Variants in ATP6V1H observed in about 807,000 individuals in gnomAD.
ATP6V1H encodes ATPase H+ transporting V1 subunit H, also known as V-type proton ATPase subunit H.
A neutral mutation model predicts 71.7 loss-of-function variants in ATP6V1H; 39 were observed. The ratio of observed to expected loss-of-function variants is 0.54; its 90% confidence interval spans 0.42 to 0.71. The LOEUF is 0.71. Ranked by LOEUF, ATP6V1H falls within the 30% of genes least tolerant of loss-of-function variation. The pLI, the probability that ATP6V1H is intolerant of heterozygous loss-of-function variation, is 0.00. For missense variants in ATP6V1H, 509 were observed against 594.9 expected, an observed-to-expected ratio of 0.86 and a Z score of 1.50; for synonymous variants, 192 against 199.3, an observed-to-expected ratio of 0.96 and a Z score of 0.31.
intron 9 of ATP6V1H, among the ~76,000 whole-genome samples, chr8:53,779,599 C>T (rs986666761): frequency 6.6e-6 from 1 of 151,398 alleles, no homozygotes; most frequent in Non-Finnish European, 1.5e-5. Flanking sequence ...TTTCAGAACA[C>T]CTGTTATTTC....
intron 9 of ATP6V1H, among the ~76,000 whole-genome samples, chr8:53,777,061 G>C (rs1380215338): frequency 1.3e-5 from 2 of 152,086 alleles, no homozygotes; most frequent in African/African-American, 2.4e-5. Context: ...GTGAACAAAG[G>C]CTCAGTGACT....
chr8:53,737,398 A>G (rs892574145), intron 13 of ATP6V1H, among the ~76,000 whole-genome samples: 1 of 152,252 alleles, frequency 6.6e-6, no homozygotes, highest in Non-Finnish European at 1.5e-5. Context: ...CTGGATACAA[A>G]TGGAACAGCA....
At chr8:53,788,773 G>A (rs1230312970) in intron 9 of ATP6V1H, among the ~76,000 whole-genome samples, 1 of 152,118 alleles carries the variant, frequency 6.6e-6, no homozygotes, top group African/African-American at 2.4e-5. Context: ...CTTCTACTGC[G>A]CCATTATGAA....
At chr8:53,767,756 A>G (rs1808520526) in intron 11 of ATP6V1H, among the ~76,000 whole-genome samples, 3 of 152,234 alleles carry the variant, frequency 2.0e-5, no homozygotes, top group Admixed American at 2.0e-4. Flanking sequence ...GGACAACAGG[A>G]TAGCCACATG....
chr8:53,812,345 C>T (rs999458172), intron 6 of ATP6V1H, among the ~76,000 whole-genome samples: 3 of 152,178 alleles, frequency 2.0e-5, no homozygotes, highest in African/African-American at 7.2e-5. Context: ...TAAAAAGATG[C>T]AGAAAATACT....
chr8:53,749,931 C>G (rs1807735747), intron 12 of ATP6V1H, among the ~76,000 whole-genome samples: 1 of 152,132 alleles, frequency 6.6e-6, no homozygotes, highest in African/African-American at 2.4e-5. Flanking sequence ...GGTGTGATTT[C>G]TGGACTTCTA....
intron 13 of ATP6V1H, among the ~76,000 whole-genome samples, chr8:53,742,439 G>C (rs1040772397): frequency 6.6e-6 from 1 of 152,112 alleles, no homozygotes; most frequent in Admixed American, 6.5e-5. Flanking sequence ...TCCAGTAATA[G>C]AGCTGTATGG....
intron 13 of ATP6V1H, among the ~76,000 whole-genome samples, chr8:53,722,278 T>G (rs1806649039): frequency 6.6e-6 from 1 of 152,220 alleles, no homozygotes; most frequent in Admixed American, 6.5e-5. Context: ...GGCAACGCAC[T>G]GAGCCACTCA....
At chr8:53,840,615 G>A (rs1811315429) in intron 2 of ATP6V1H, among the ~76,000 whole-genome samples, 1 of 152,098 alleles carries the variant, frequency 6.6e-6, no homozygotes, top group Non-Finnish European at 1.5e-5. Flanking sequence ...CTCAAAGCCT[G>A]GAAAAATGCC....
In ATP6V1H at chr8:53,841,733, T is replaced by G. The variant is rs1811349886; in HGVS notation, c.-35-8A>C. ...GAATGTCTTTCAACAAATCTTCAAT[T>G]TTGATGCAAGGTAAAAACAGAATAC... On this transcript the variant is annotated splice_polypyrimidine_tract_variant and splice_region_variant and intron_variant, in intron 1 of 13. Coordinates refer to ENST00000359530, the MANE Select transcript of ATP6V1H (RefSeq NM_015941.4). 1 of 1,604,520 alleles carries G rather than the reference T, an allele frequency of 6.2e-7. No homozygotes were observed. The highest frequency in any genetic ancestry group is 8.5e-7 in the Non-Finnish European group (1 of 1,175,086).
At chr8:53,759,253 T>G (rs1226165101) in intron 11 of ATP6V1H, among the ~76,000 whole-genome samples, 1 of 152,244 alleles carries the variant, frequency 6.6e-6, no homozygotes, top group African/African-American at 2.4e-5. Context: ...TTAAGTCCAC[T>G]GAATATCTTC....
intron 9 of ATP6V1H, among the ~76,000 whole-genome samples, chr8:53,779,934 G>A (rs982068480): frequency 5.9e-5 from 9 of 152,100 alleles, no homozygotes; most frequent in East Asian, 5.8e-4. Context: ...CAAGGCAGGC[G>A]GATCACCTGA....
At chr8:53,837,687 G>C (rs1306489711) in intron 2 of ATP6V1H, among the ~76,000 whole-genome samples, 1 of 152,106 alleles carries the variant, frequency 6.6e-6, no homozygotes, top group Non-Finnish European at 1.5e-5. Context: ...TGAGCGAGGG[G>C]GCATGATCAG....
chr8:53,720,147 T>C (rs1314677028), intron 13 of ATP6V1H, among the ~76,000 whole-genome samples: 4 of 152,186 alleles, frequency 2.6e-5, no homozygotes, highest in African/African-American at 7.2e-5. Context: ...AAGCAATCTA[T>C]AGGAATGTGA....
intron 11 of ATP6V1H, among the ~76,000 whole-genome samples, chr8:53,766,414 G>A (rs992736204): frequency 2.0e-5 from 3 of 152,134 alleles, no homozygotes; most frequent in South Asian, 2.1e-4. Context: ...TAATAATTAC[G>A]TTAACTACAC....
chr8:53,769,501 G>C (rs942888336), intron 11 of ATP6V1H, 117 bp downstream of exon 11: 16 of 1,066,080 alleles, frequency 1.5e-5, no homozygotes, highest in Non-Finnish European at 2.1e-5. Flanking sequence ...ACATTAGTCA[G>C]CAAGAAAATA....
intron 2 of ATP6V1H, among the ~76,000 whole-genome samples, chr8:53,835,423 G>T (rs1217629316): frequency 1.3e-5 from 2 of 152,104 alleles, no homozygotes; most frequent in East Asian, 3.9e-4. Flanking sequence ...CCAAGAGAAG[G>T]GACCTGAACT....
intron 13 of ATP6V1H, among the ~76,000 whole-genome samples, chr8:53,724,528 T>C (rs979620276): frequency 4.5e-4 from 68 of 151,708 alleles, no homozygotes; most frequent in African/African-American, 1.6e-3. Flanking sequence ...GATGGAAGTG[T>C]TGAGAGGCAA....
At chr8:53,779,123 G>C (rs1467265584) in intron 9 of ATP6V1H, among the ~76,000 whole-genome samples, 1 of 152,056 alleles carries the variant, frequency 6.6e-6, no homozygotes. Context: ...AGCTCTCTCA[G>C]CAATTGATAG....
Sources: gnomAD v4.1 joint callset for allele counts (sites outside exome capture counted in the v4.1 genomes callset) on GRCh38, gnomAD v4.1.1 for gene constraint, MANE v1.5 for transcripts, NCBI Gene and HGNC (gene_info 2026-07-23, HGNC 2026-07-21) for gene names.